The following FAM204A variants were observed in gnomAD, a reference collection of about 807,000 sequenced individuals.
The protein encoded by FAM204A is protein FAM204A.
In FAM204A, 16 loss-of-function variants were observed where a neutral mutation model predicts 35.4. The observed-to-expected ratio is 0.45, with a 90% CI of 0.31 to 0.69. FAM204A has a LOEUF of 0.69. Ranked by LOEUF, FAM204A falls within the 30% of genes least tolerant of loss-of-function variation. The pLI, the probability that FAM204A is intolerant of heterozygous loss-of-function variation, is 0.07. For missense variants in FAM204A, 240 were observed against 265.7 expected, an observed-to-expected ratio of 0.90 and a Z score of 0.67; for synonymous variants, 76 against 86.9, an observed-to-expected ratio of 0.88 and a Z score of 0.70.
In FAM204A at chr10:118,310,570, T is replaced by C; in HGVS notation, c.*287A>G. ...AATGAATGGAAAGCGCCAAAAGTGA[T>C]TTTATACCAAGGGTCCATCCATACA... On this transcript the variant is annotated 3_prime_UTR_variant, in exon 9 of 9. Coordinates refer to ENST00000369183, the MANE Select transcript of FAM204A (RefSeq NM_022063.3). The C allele has an allele frequency of 2.9e-6, 1 of 344,028 alleles. No homozygotes were observed. Among genetic ancestry groups the C allele is most frequent in the Non-Finnish European group, 5.2e-6 (1 of 193,096 alleles). The allele number at this position is 344,028 out of a possible 1,614,324, so 21.3% of individuals were successfully genotyped here.
chr10:118,333,039 A>G (rs550339056), intron 6 of FAM204A, among the ~76,000 whole-genome samples: 1 of 152,342 alleles, frequency 6.6e-6, no homozygotes, highest in Non-Finnish European at 1.5e-5. Flanking sequence ...ACACTTTAAA[A>G]CAGCTTTGGA....
chr10:118,338,841 T>C (rs1045780067), intron 2 of FAM204A, among the ~76,000 whole-genome samples: 1 of 152,176 alleles, frequency 6.6e-6, no homozygotes, highest in Non-Finnish European at 1.5e-5. Context: ...GCAGTCTCAG[T>C]TGCCCCGAAG....
intron 2 of FAM204A, among the ~76,000 whole-genome samples, chr10:118,338,915 C>T (rs554107728): frequency 6.6e-6 from 1 of 152,238 alleles, no homozygotes; most frequent in African/African-American, 2.4e-5. Context: ...TTTTTTATGG[C>T]TTTTTAAATT....
In FAM204A at chr10:118,303,375, A is replaced by G. The variant is rs1845829433; in HGVS notation, c.*7482T>C. The G allele has an allele frequency of 6.6e-6, 1 of 152,238 alleles. No individual in the cohort carries two copies. Among genetic ancestry groups the G allele is most frequent in the Non-Finnish European group, 1.5e-5 (1 of 68,046 alleles). The allele number at this position is 152,238 out of a possible 1,614,324, so 9.4% of individuals were successfully genotyped here. On this transcript the variant is annotated 3_prime_UTR_variant, in exon 9 of 9. Transcript: ENST00000369183. ...AACAATAACAGTACTTCTAAGGCTT[A>G]TATTCTCAGTCATGATTATTTATTA...
intron 6 of FAM204A, among the ~76,000 whole-genome samples, chr10:118,329,519 T>C (rs1846255583): frequency 6.6e-6 from 1 of 152,154 alleles, no homozygotes; most frequent in Admixed American, 6.5e-5. Context: ...CGTCGAATGT[T>C]ACCTTCTCTA....
rs535922365 is a variant in FAM204A at position 118,298,890 on chromosome 10, T to C, written c.*11967A>G. 2.6e-5 allele frequency: 4 copies of C among 152,192 alleles called. No homozygotes were observed. The highest frequency in any genetic ancestry group is 4.4e-5 in the Non-Finnish European group (3 of 68,040). 9.4% of individuals were successfully genotyped at this position (152,192 alleles called of 1,614,324 possible). A position where few individuals can be genotyped will look rare whatever the true frequency, so the allele number is the denominator to read the frequency against. On this transcript the variant is annotated 3_prime_UTR_variant, in exon 9 of 9. Transcript: ENST00000369183. ...ATTCTCTGTTGCATTACCTATCCTG[T>C]TTAAAAAAATAAAACAATCTAAGAA...
intron 6 of FAM204A, among the ~76,000 whole-genome samples, chr10:118,332,052 T>C (rs998872883): frequency 2.0e-5 from 3 of 150,056 alleles, no homozygotes; most frequent in Non-Finnish European, 4.4e-5. Context: ...CGCACACCTC[T>C]AGTCCCAGCT....
At chr10:118,318,301 T>C (rs574336533) in intron 7 of FAM204A, among the ~76,000 whole-genome samples, 3 of 152,156 alleles carry the variant, frequency 2.0e-5, no homozygotes, top group Non-Finnish European at 2.9e-5. Context: ...TGACTCTGTA[T>C]GAAATAATCA....
intron 7 of FAM204A, 62 bp from the exon 8 acceptor site, chr10:118,311,375 C>G: frequency 7.8e-7 from 1 of 1,279,402 alleles, no homozygotes; most frequent in South Asian, 1.3e-5. Flanking sequence ...ACAGTAATTA[C>G]ACTTATACAA....
At chr10:118,326,430 G>T in intron 6 of FAM204A, 187 bp from the exon 7 acceptor site, 1 of 551,692 alleles carries the variant, frequency 1.8e-6, no homozygotes. Context: ...TGGCTTACCT[G>T]AGGTCATGTA....
chr10:118,300,346 A>C lies in FAM204A; in HGVS notation c.*10511T>G, dbSNP rs957261675. ...ATGATTTAATGCAGAAATATCTTGA[A>C]AGAAAAGATGAAAGGACGTATTACT... is the stretch of plus-strand genomic sequence containing the variant. On this transcript the variant is annotated 3_prime_UTR_variant, in exon 9 of 9. Transcript: ENST00000369183. 1.3e-5 allele frequency: 2 copies of C among 152,206 alleles called. No homozygotes were observed. The highest frequency in any genetic ancestry group is 2.9e-5 in the Non-Finnish European group (2 of 68,050). 9.4% of individuals were successfully genotyped at this position (152,206 alleles called of 1,614,324 possible). A position where few individuals can be genotyped will look rare whatever the true frequency, so the allele number is the denominator to read the frequency against.
chr10:118,327,271 T>C (rs752008439), intron 6 of FAM204A, among the ~76,000 whole-genome samples: 1 of 152,196 alleles, frequency 6.6e-6, no homozygotes, highest in Non-Finnish European at 1.5e-5. Context: ...GAGAGAATTT[T>C]GTTCCTGTGT....
In FAM204A at chr10:118,306,051, A is replaced by G. The variant is rs911334343; in HGVS notation, c.*4806T>C. 2 of 152,272 alleles carry G rather than the reference A, an allele frequency of 1.3e-5. No individual in the cohort carries two copies. Among genetic ancestry groups the G allele is most frequent in the African/African-American group, 2.4e-5 (1 of 41,468 alleles). The allele number at this position is 152,272 out of a possible 1,614,324, so 9.4% of individuals were successfully genotyped here. On this transcript the variant is annotated 3_prime_UTR_variant, in exon 9 of 9. Coordinates refer to ENST00000369183, the MANE Select transcript of FAM204A (RefSeq NM_022063.3). ...ACAGATGAATATGAAACAGACATCAATAATTACAGCTTGCACTGTAGCTGT... is the reference window on the plus strand; with the variant it reads ...ACAGATGAATATGAAACAGACATCAGTAATTACAGCTTGCACTGTAGCTGT...
chr10:118,336,373 C>T lies in FAM204A; in HGVS notation c.43G>A (p.Ala15Thr), dbSNP rs765376062. ...LLPPGLNESD[A>T]ESNSEDEATL... ...GCTTCATCTTCCGAGTTTGACTCAG[C>T]GTCACTTTCATTTAGGCCAGGAGGT... Residue 15 changes from alanine (A) to threonine (T), a missense_variant, in exon 3 of 9, where the codon GCT becomes ACT. Ala to Thr is a moderately conservative substitution (Grantham distance 58, BLOSUM62 0). Around this residue, in one of 2 missense-constraint regions of FAM204A, gnomAD observed 232 missense variants for 242.8 expected, o/e 0.96. Transcript: ENST00000369183. 26 of 1,612,932 alleles carry T rather than the reference C, an allele frequency of 1.6e-5. No homozygotes were observed. Among genetic ancestry groups the T allele is most frequent in the African/African-American group, 4.0e-5 (3 of 74,822 alleles).
At chr10:118,317,875 A>T (rs1846055803) in intron 7 of FAM204A, among the ~76,000 whole-genome samples, 1 of 152,044 alleles carries the variant, frequency 6.6e-6, no homozygotes, top group Non-Finnish European at 1.5e-5. Flanking sequence ...GTAACTTTTA[A>T]ATTAAAAAGC....
intron 6 of FAM204A, among the ~76,000 whole-genome samples, chr10:118,334,409 T>C (rs927976427): frequency 6.6e-6 from 1 of 152,206 alleles, no homozygotes; most frequent in African/African-American, 2.4e-5. Flanking sequence ...ACGCCTCAAA[T>C]CCATCCACTT....
At chr10:118,323,933 T>A (rs879025886) in intron 7 of FAM204A, among the ~76,000 whole-genome samples, 1 of 152,106 alleles carries the variant, frequency 6.6e-6, no homozygotes. Flanking sequence ...GTTTGTTGAA[T>A]AGAATTTTAA....
At position 118,300,545 on chromosome 10, in the gene FAM204A, G is replaced by A. The variant is rs1392546900; in HGVS notation, c.*10312C>T. Reference sequence around the variant, plus strand: ...TTGGCTGAACACATATTATATGCTAGGACTATTATGCACATTAATAAAATC... The same window carrying A: ...TTGGCTGAACACATATTATATGCTAAGACTATTATGCACATTAATAAAATC... On this transcript the variant is annotated 3_prime_UTR_variant, in exon 9 of 9. Transcript: ENST00000369183. The A allele has an allele frequency of 2.0e-5, 3 of 152,092 alleles. No individual in the cohort carries two copies. In the East Asian group the frequency reaches 5.8e-4, roughly 29 times the overall value. 9.4% of individuals were successfully genotyped at this position (152,092 alleles called of 1,614,324 possible).
At position 118,305,522 on chromosome 10, in the gene FAM204A, T is replaced by C. The variant is rs1845853476; in HGVS notation, c.*5335A>G. On this transcript the variant is annotated 3_prime_UTR_variant, in exon 9 of 9. Coordinates refer to ENST00000369183, the MANE Select transcript of FAM204A (RefSeq NM_022063.3). ...ATCAGTCACTAAGCTGATAAGCCAC[T>C]GTAGCTGACTGCCTAGCTAGGAAAT... is the stretch of plus-strand genomic sequence containing the variant. The C allele has an allele frequency of 1.3e-5, 2 of 152,214 alleles. No homozygotes were observed. Among genetic ancestry groups the C allele is most frequent in the Non-Finnish European group, 2.9e-5 (2 of 68,052 alleles). The allele number at this position is 152,214 out of a possible 1,614,324, so 9.4% of individuals were successfully genotyped here. A position where few individuals can be genotyped will look rare whatever the true frequency, so the allele number is the denominator to read the frequency against.
Sources: allele counts gnomAD v4.1 joint callset (sites outside exome capture counted in the v4.1 genomes callset), GRCh38; gene constraint gnomAD v4.1.1; regional missense constraint gnomAD v4.1.1; transcripts MANE v1.5; gene names NCBI Gene and HGNC (gene_info 2026-07-23, HGNC 2026-07-21).